OPHN1: variants seen among roughly 807,000 people sequenced by gnomAD.
The protein encoded by OPHN1 is oligophrenin-1.
A neutral mutation model predicts 60.7 loss-of-function variants in OPHN1; 11 were observed. The ratio of observed to expected loss-of-function variants is 0.18; its 90% CI spans 0.11 to 0.30. The LOEUF is 0.30. OPHN1 is among the 10% of genes least tolerant of loss of function. The pLI is 1.00. For synonymous variants in OPHN1, 226 were observed against 222.6 expected, an observed-to-expected ratio of 1.02 and a Z score of -0.14; for missense variants, 449 against 611.0, an observed-to-expected ratio of 0.73 and a Z score of 2.80.
chrX:68,251,917 G>A (rs1278005943), intron 5 of OPHN1, among the ~76,000 whole-genome samples: 2 of 112,142 alleles, frequency 1.8e-5, no homozygotes, highest in Non-Finnish European at 3.8e-5. Context: ...TCTGCCATGT[G>A]ACCTTGCAGT....
intron 15 of OPHN1, among the ~76,000 whole-genome samples, chrX:68,186,348 G>A (rs1416301343): frequency 9.0e-6 from 1 of 110,567 alleles, no homozygotes; most frequent in Non-Finnish European, 1.9e-5. Flanking sequence ...CAAAATGGGG[G>A]CTCTGGGGAT....
chrX:68,426,549 G>GTTTT (rs201434805), intron 2 of OPHN1, among the ~76,000 whole-genome samples: 15 of 18,469 alleles, frequency 8.1e-4, no homozygotes, highest in Non-Finnish European at 1.9e-3. Flanking sequence ...TCTGACATCT[G>GTTTT]TTTTATATAT....
At chrX:68,409,054 AGTCTTT>A (rs777521695) in intron 2 of OPHN1, among the ~76,000 whole-genome samples, 18 of 112,747 alleles carry the variant, frequency 1.6e-4, no homozygotes, top group Non-Finnish European at 2.6e-4. Context: ...TACACCCTAT[AGTCTTT>A]AAGTCTCAAT....
chrX:68,389,079 C>G (rs1022597080), intron 2 of OPHN1, among the ~76,000 whole-genome samples: 1 of 106,611 alleles, frequency 9.4e-6, no homozygotes, highest in Non-Finnish European at 1.9e-5. Flanking sequence ...CTCAGCCTCC[C>G]AAGTTGCTGG....
intron 19 of OPHN1, among the ~76,000 whole-genome samples, chrX:68,081,001 A>G (rs1172874374): frequency 9.0e-6 from 1 of 111,140 alleles, no homozygotes; most frequent in African/African-American, 3.3e-5. Flanking sequence ...ATTACACTGC[A>G]TCCTGAGTGT....
intron 15 of OPHN1, among the ~76,000 whole-genome samples, chrX:68,131,224 T>G (rs2077193259): frequency 9.2e-6 from 1 of 108,743 alleles, no homozygotes; most frequent in African/African-American, 3.4e-5. Flanking sequence ...ATTTATTTAT[T>G]TATTTATTTA....
chrX:68,401,348 G>T (rs945996899), intron 2 of OPHN1, among the ~76,000 whole-genome samples: 2 of 111,859 alleles, frequency 1.8e-5, no homozygotes, highest in East Asian at 5.6e-4. Context: ...AAAGGTGGTG[G>T]CATTTGGCCC....
intron 2 of OPHN1, among the ~76,000 whole-genome samples, chrX:68,425,812 CTTTTTTTTTTT>C (rs1188011531): frequency 2.6e-5 from 1 of 38,649 alleles, no homozygotes; most frequent in Non-Finnish European, 3.9e-5. Flanking sequence ...GGACTGGATT[CTTTTTTTTTTT>C]TTTTTTTTTT....
chrX:68,209,992 C>CTTTTTTTTTTTTTTTTTTTTT, intron 9 of OPHN1, 161 bp downstream of exon 9: 5 of 447,205 alleles, frequency 1.1e-5, no homozygotes, highest in South Asian at 3.0e-5. Flanking sequence ...TCAGTTTCTC[C>CTTTTTTTTTTTTTTTTTTTTT]TTTTTTTTTT....
chrX:68,232,031 T>C (rs2077731264), intron 6 of OPHN1, among the ~76,000 whole-genome samples: 2 of 112,036 alleles, frequency 1.8e-5, no homozygotes, highest in African/African-American at 6.5e-5. Flanking sequence ...TTTAATTTTC[T>C]GTAAACCTAA....
At chrX:68,377,478 T>C (rs931136411) in intron 2 of OPHN1, among the ~76,000 whole-genome samples, 2 of 107,363 alleles carry the variant, frequency 1.9e-5, no homozygotes, top group Non-Finnish European at 3.8e-5. Flanking sequence ...ATGTGCATAA[T>C]GTGCAGGTTA....
At chrX:68,289,178 G>A (rs952958224) in intron 3 of OPHN1, among the ~76,000 whole-genome samples, 1 of 111,041 alleles carries the variant, frequency 9.0e-6, no homozygotes, top group Non-Finnish European at 1.9e-5. Flanking sequence ...ATCCCCTGCC[G>A]CAACACCACC....
chrX:68,288,912 C>T (rs1173148858), intron 3 of OPHN1, among the ~76,000 whole-genome samples: 2 of 111,903 alleles, frequency 1.8e-5, no homozygotes, highest in Admixed American at 9.5e-5. Context: ...TAATTAATTA[C>T]AGCATCTTCT....
intron 23 of OPHN1, among the ~76,000 whole-genome samples, chrX:68,051,045 C>G (rs1384287811): frequency 1.8e-5 from 2 of 111,733 alleles, no homozygotes; most frequent in East Asian, 5.6e-4. Flanking sequence ...TTCCAGGTGG[C>G]TCACTGACAA....
In OPHN1 at chrX:68,045,660, T is replaced by G. The variant is rs2076830117; in HGVS notation, c.*1512A>C. 8.9e-6 allele frequency: 1 copy of G among 112,227 alleles called. No individual in the cohort carries two copies. The highest frequency in any genetic ancestry group is 1.9e-5 in the Non-Finnish European group (1 of 53,294). 9.2% of individuals were successfully genotyped at this position (112,227 alleles called of 1,213,427 possible). ...CAACTTCCCTTCAACAAACAGGAATTAGAAATGTCCATTCCTCAGATTTCT... is the reference window on the plus strand; with the variant it reads ...CAACTTCCCTTCAACAAACAGGAATGAGAAATGTCCATTCCTCAGATTTCT... On this transcript the variant is annotated 3_prime_UTR_variant, in exon 25 of 25. Coordinates refer to ENST00000355520, the MANE Select transcript of OPHN1 (RefSeq NM_002547.3).
At chrX:68,053,131 T>C (rs2076858878) in intron 22 of OPHN1, among the ~76,000 whole-genome samples, 1 of 111,503 alleles carries the variant, frequency 9.0e-6, no homozygotes. Flanking sequence ...TTCCTTGGCT[T>C]GCGGCCCAGC....
At chrX:68,277,767 G>A (rs1440914074) in intron 4 of OPHN1, among the ~76,000 whole-genome samples, 5 of 111,643 alleles carry the variant, frequency 4.5e-5, no homozygotes, top group Admixed American at 9.5e-5. Flanking sequence ...CTCCAGCCTG[G>A]GTGACAGAGT....
At chrX:68,226,911 C>T (rs1399233315) in intron 6 of OPHN1, among the ~76,000 whole-genome samples, 1 of 111,565 alleles carries the variant, frequency 9.0e-6, no homozygotes, top group African/African-American at 3.3e-5. Flanking sequence ...GGGCTAAATG[C>T]TCCAATTAAA....
chrX:68,277,765 T>G (rs1035344681), intron 4 of OPHN1, among the ~76,000 whole-genome samples: 2 of 112,086 alleles, frequency 1.8e-5, no homozygotes, highest in African/African-American at 6.5e-5. Flanking sequence ...CTCTCCAGCC[T>G]GGGTGACAGA....
Sources: allele counts gnomAD v4.1 joint callset (sites outside exome capture counted in the v4.1 genomes callset), GRCh38; gene constraint gnomAD v4.1.1; transcripts MANE v1.5; gene names NCBI Gene and HGNC (gene_info 2026-07-23, HGNC 2026-07-21).